Variants in ACTB observed in about 807,000 individuals in gnomAD.
ACTB encodes the protein actin beta.
ACTB carries 2 observed loss-of-function variants against 30.5 expected under a neutral mutation model. The ratio of observed to expected loss-of-function variants is 0.07; its 90% CI spans 0.03 to 0.21. The LOEUF (loss-of-function observed/expected upper bound fraction) is 0.21. Ranked by LOEUF, ACTB falls within the 10% of genes least tolerant of loss-of-function variation. The probability of loss-of-function intolerance (pLI) is 1.00; values close to 1 mark genes in which losing one functional copy is unlikely to be tolerated. For synonymous variants in ACTB, 335 were observed against 217.6 expected, an observed-to-expected ratio of 1.54 and a Z score of -4.75; for missense variants, 56 against 530.0, an observed-to-expected ratio of 0.11 and a Z score of 8.78.
chr7:5,529,471 G>A (rs1784836536), intron 2 of ACTB, 64 bp downstream of exon 2: 3 of 1,613,054 alleles, frequency 1.9e-6, no homozygotes, highest in Admixed American at 1.7e-5. Context: ...AGGCTCCTGT[G>A]CAGAGAAAGC....
In ACTB at chr7:5,528,717, G is replaced by C; in HGVS notation, c.366C>G (p.Ile122Met). The change falls in exon 4 of 6, where the codon ATC (isoleucine) becomes ATG (methionine). Residue 122 changes from isoleucine to methionine, a missense_variant and splice_region_variant. This residue lies in a region of ACTB where 32 missense variants were observed against 288.4 expected (regional missense o/e 0.11). Coordinates refer to ENST00000646664, the MANE Select transcript of ACTB (RefSeq NM_001101.5). ...CTGGGGTGTTGAAGGTCTCAAACAT[G>C]ATCTGTAAGGCAGAGATACACCATG... ...PKANREKMTQ[I>M]MFETFNTPAM... 1 of 1,613,620 alleles carries C rather than the reference G, an allele frequency of 6.2e-7. No individual in the cohort carries two copies.
chr7:5,528,236 G>T, intron 4 of ACTB, 45 bp downstream of exon 4: 1 of 1,613,730 alleles, frequency 6.2e-7, no homozygotes, highest in Non-Finnish European at 8.5e-7. Flanking sequence ...AGCCCCGAGG[G>T]GTAACCCTCA....
Position 5,528,263 on chromosome 7 carries a change from G to C in ACTB, c.802+18C>G. ...TAACCCTCATGTCAGGCAGAGCCGG[G>C]AGACAGTCTCCACTCACCCAGGAAG... On this transcript the variant is annotated intron_variant, in intron 4 of 5. Coordinates refer to ENST00000646664, the MANE Select transcript of ACTB (RefSeq NM_001101.5). 6.2e-7 allele frequency: 1 copy of C among 1,613,458 alleles called. No individual in the cohort carries two copies. The highest frequency in any genetic ancestry group is 8.5e-7 in the Non-Finnish European group (1 of 1,179,386).
At position 5,527,633 on chromosome 7, in the gene ACTB, A is replaced by G; in HGVS notation, c.*115T>C. The stretch of plus-strand genomic sequence containing the variant: ...AATCCTGAGTCAAGCCAAAAAAAAA[A>G]AAAAAACCAAAACAAAACAAAAAAA... On this transcript the variant is annotated 3_prime_UTR_variant, in exon 6 of 6. Coordinates refer to ENST00000646664, the MANE Select transcript of ACTB (RefSeq NM_001101.5). 3 of 1,535,126 alleles carry G rather than the reference A, an allele frequency of 2.0e-6. No individual in the cohort carries two copies. The highest frequency in any genetic ancestry group is 1.2e-5 in the South Asian group (1 of 83,654).
rs562136485 is a variant in ACTB, at chr7:5,529,733, C to G, written c.-6-70G>C. On this transcript the variant is annotated intron_variant, in intron 1 of 5. Transcript: ENST00000646664. ...CCTGGCCACTTCCGGCGCGCCGAGT[C>G]CTTAGGCCGCCAGGGGGCGCCGGCG... The G allele has an allele frequency of 4.2e-5, 68 of 1,604,852 alleles. No individual in the cohort carries two copies. The African/African-American group carries it at 8.3e-4, about 20-fold the overall frequency.
intron 3 of ACTB, 118 bp from the exon 4 acceptor site, chr7:5,528,837 G>C: frequency 6.9e-7 from 1 of 1,441,584 alleles, no homozygotes; most frequent in Non-Finnish European, 9.7e-7. Context: ...TCTTGGGATG[G>C]GGAGTCTGTT....
chr7:5,528,213 G>C (rs1254466201), intron 4 of ACTB, 28 bp from the exon 5 acceptor site: 5 of 1,613,762 alleles, frequency 3.1e-6, no homozygotes, highest in Non-Finnish European at 4.2e-6. Context: ...GCAGGACTTA[G>C]CTTCCACAGC....
rs773576917 is a variant in ACTB at position 5,529,005 on chromosome 7, A to T, written c.363+156T>A. 6 of 1,605,228 alleles carry T rather than the reference A, an allele frequency of 3.7e-6. No individual in the cohort carries two copies. The Admixed American group carries it at 1.0e-4, about 28-fold the overall frequency. The stretch of plus-strand genomic sequence containing the variant: ...ACCAGAAAAAGAGCTCATCTGGGAA[A>T]AAGCAAATAGAACCTGCAGAGTTCC... On this transcript the variant is annotated intron_variant, in intron 3 of 5. Coordinates refer to ENST00000646664, the MANE Select transcript of ACTB (RefSeq NM_001101.5).
In ACTB at chr7:5,528,103, G is replaced by A. The variant is rs1213993711; in HGVS notation, c.885C>T (p.Ala295=). The A allele has an allele frequency of 1.2e-6, 2 of 1,614,212 alleles. No homozygotes were observed. The highest frequency in any genetic ancestry group is 1.3e-5 in the African/African-American group (1 of 75,068). ...TGGTGCCGCCAGACAGCACTGTGTT[G>A]GCGTACAGGTCTTTGCGGATGTCCA... ...CDVDIRKDLY[A]NTVLSGGTTM... Residue 295 remains alanine (A), a synonymous_variant, in exon 5 of 6, where the codon GCC becomes GCT. Coordinates refer to ENST00000646664, the MANE Select transcript of ACTB (RefSeq NM_001101.5).
chr7:5,529,942 G>A (rs1203117820), intron 1 of ACTB: 1 of 329,440 alleles, frequency 3.0e-6, no homozygotes, highest in Non-Finnish European at 5.6e-6. Flanking sequence ...CGCACGCAGC[G>A]GCCACACCCT....
Position 5,527,701 on chromosome 7 carries a change from TTAGG to T in ACTB, c.*43_*46del, listed in dbSNP as rs1389039238. ...AATCTCATCTTGTTTTCTGCGCAAG[TTAGG>T]TTTTGTCAAGAAAGGGTGTAACGCA... On this transcript the variant is annotated 3_prime_UTR_variant, in exon 6 of 6. Transcript: ENST00000646664. The T allele has an allele frequency of 2.5e-6, 4 of 1,610,788 alleles. No homozygotes were observed. In the East Asian group the frequency reaches 8.9e-5, roughly 36 times the overall value.
At chr7:5,529,507 G>A (rs1784837534) in intron 2 of ACTB, 28 bp downstream of exon 2, 3 of 1,611,960 alleles carry the variant, frequency 1.9e-6, no homozygotes, top group African/African-American at 1.3e-5. Context: ...CCGCTCCCGG[G>A]GCTGCCCCAC....
Position 5,530,571 on chromosome 7 carries a change from G to A in ACTB, c.-54C>T, listed in dbSNP as rs1025812629. 5.2e-5 allele frequency: 8 copies of A among 152,468 alleles called. No individual in the cohort carries two copies. The highest frequency in any genetic ancestry group is 1.9e-4 in the East Asian group (1 of 5,196). 9.4% of individuals were successfully genotyped at this position (152,468 alleles called of 1,614,324 possible). A position where few individuals can be genotyped will look rare whatever the true frequency, so the allele number is the denominator to read the frequency against. On this transcript the variant is annotated 5_prime_UTR_variant, in exon 1 of 6. Coordinates refer to ENST00000646664, the MANE Select transcript of ACTB (RefSeq NM_001101.5). ...GGCGGATCGGCAAAGGCGAGGCTCT[G>A]TGCTCGCGGGGCGGACGCGGTCTCG...
At chr7:5,528,948 A>C (rs1784822731) in intron 3 of ACTB, 1 of 1,531,372 alleles carries the variant, frequency 6.5e-7, no homozygotes, top group Admixed American at 2.0e-5. Flanking sequence ...CACCCACAAC[A>C]CTGTCTTAGA....
intron 1 of ACTB, 144 bp from the exon 2 acceptor site, chr7:5,529,807 A>G (rs921402675): frequency 6.7e-6 from 9 of 1,351,082 alleles, no homozygotes; most frequent in Admixed American, 3.9e-5. Context: ...CGTTATTACC[A>G]TAAAAGGCAA....
intron 3 of ACTB, 102 bp from the exon 4 acceptor site, chr7:5,528,821 C>A: frequency 1.3e-6 from 2 of 1,491,524 alleles, no homozygotes; most frequent in Non-Finnish European, 1.9e-6. Context: ...GCTAAGTGTG[C>A]TGGGGTCTTG....
rs572281765 is a variant in ACTB at position 5,529,683 on chromosome 7, C to A, written c.-6-20G>T. On this transcript the variant is annotated intron_variant, in intron 1 of 5. Transcript: ENST00000646664. ...GGTGAGCTGCGAGAATAGCCGGGCG[C>A]GCTGTGAGCCGAGGTCGCCCCCGCC... 1 of 1,610,986 alleles carries A rather than the reference C, an allele frequency of 6.2e-7. No homozygotes were observed. Among genetic ancestry groups the A allele is most frequent in the South Asian group, 1.1e-5 (1 of 91,024 alleles).
Position 5,527,475 on chromosome 7 carries a change from T to TGCCATCCTA in ACTB, c.*272_*273insTAGGATGGC, listed in dbSNP as rs1784788683. 1 of 545,496 alleles carries TGCCATCCTA rather than the reference T, an allele frequency of 1.8e-6. No homozygotes were observed. The highest frequency in any genetic ancestry group is 1.9e-5 in the African/African-American group (1 of 52,400). 33.8% of individuals were successfully genotyped at this position (545,496 alleles called of 1,614,324 possible). A position where few individuals can be genotyped will look rare whatever the true frequency, so the allele number is the denominator to read the frequency against. On this transcript the variant is annotated 3_prime_UTR_variant, in exon 6 of 6. Coordinates refer to ENST00000646664, the MANE Select transcript of ACTB (RefSeq NM_001101.5). ...TTTTAGGATGGCAAGGGACTTCCTG[T>TGCCATCCTA]AACAACGCATCTCATATTTGGAATG...
At position 5,527,676 on chromosome 7, in the gene ACTB, A is replaced by G; in HGVS notation, c.*72T>C. On this transcript the variant is annotated 3_prime_UTR_variant, in exon 6 of 6. Coordinates refer to ENST00000646664, the MANE Select transcript of ACTB (RefSeq NM_001101.5). ...CAAAAAAAACAAATAAAGCCATGCCAATCTCATCTTGTTTTCTGCGCAAGT... is the reference window on the plus strand; with the variant it reads ...CAAAAAAAACAAATAAAGCCATGCCGATCTCATCTTGTTTTCTGCGCAAGT... 5 of 1,593,722 alleles carry G rather than the reference A, an allele frequency of 3.1e-6. No homozygotes were observed. Among genetic ancestry groups the G allele is most frequent in the Non-Finnish European group, 3.4e-6 (4 of 1,163,642 alleles).
Sources: gnomAD v4.1 joint callset for allele counts on GRCh38, gnomAD v4.1.1 for gene constraint, gnomAD v4.1.1 regional missense constraint, MANE v1.5 for transcripts, NCBI Gene and HGNC (gene_info 2026-07-23, HGNC 2026-07-21) for gene names.